FSHR: variants seen among roughly 807,000 people sequenced by gnomAD.
The protein encoded by FSHR is follicle stimulating hormone receptor, also known as follicle-stimulating hormone receptor.
A neutral mutation model predicts 52.1 loss-of-function variants in FSHR; 46 were observed. The ratio of observed to expected loss-of-function variants is 0.88; its 90% CI spans 0.70 to 1.13. The LOEUF (loss-of-function observed/expected upper bound fraction) is 1.13, where lower values mean the gene tolerates loss of function less well. Ranked by LOEUF, FSHR falls within the 50% of genes most tolerant of loss-of-function variation. The pLI is 0.00. For synonymous variants in FSHR, 399 were observed against 309.6 expected, an observed-to-expected ratio of 1.29 and a Z score of -3.03; for missense variants, 964 against 834.6, an observed-to-expected ratio of 1.16 and a Z score of -1.91.
chr2:48,972,369 T>C (rs771658275), intron 8 of FSHR, among the ~76,000 whole-genome samples: 42 of 152,230 alleles, frequency 2.8e-4, no homozygotes, highest in Non-Finnish European at 6.0e-4. Flanking sequence ...CTCCCTATTA[T>C]GATTCTTCAG....
intron 2 of FSHR, among the ~76,000 whole-genome samples, chr2:49,040,750 T>A (rs1208546936): frequency 6.6e-6 from 1 of 152,108 alleles, no homozygotes; most frequent in East Asian, 1.9e-4. Flanking sequence ...AAACAAAGTT[T>A]AATGATTGGA....
intron 1 of FSHR, among the ~76,000 whole-genome samples, chr2:49,097,247 AT>A (rs1043624835): frequency 2.0e-5 from 3 of 151,134 alleles, no homozygotes; most frequent in Non-Finnish European, 2.9e-5. Flanking sequence ...ATTTCTTTGA[AT>A]TTTTTTTCAT....
At chr2:48,986,016 T>C (rs1399924657) in intron 6 of FSHR, among the ~76,000 whole-genome samples, 2 of 152,176 alleles carry the variant, frequency 1.3e-5, no homozygotes, top group Non-Finnish European at 2.9e-5. Flanking sequence ...CCCGGCCGCA[T>C]GTACACGTTT....
At chr2:48,998,130 T>G (rs1049772870) in intron 4 of FSHR, among the ~76,000 whole-genome samples, 2 of 151,414 alleles carry the variant, frequency 1.3e-5, no homozygotes, top group Admixed American at 1.3e-4. Context: ...GACTTATACA[T>G]TTTTTTTTCA....
chr2:49,007,999 T>A (rs138474854), intron 4 of FSHR, among the ~76,000 whole-genome samples: 1 of 152,008 alleles, frequency 6.6e-6, no homozygotes, highest in Non-Finnish European at 1.5e-5. Context: ...ACATTTGTTT[T>A]GAATTTTCTT....
In FSHR at chr2:48,963,386, A is replaced by C; in HGVS notation, c.1435T>G (p.Cys479Gly). The C allele has an allele frequency of 6.2e-7, 1 of 1,614,072 alleles. No homozygotes were observed. Among genetic ancestry groups the C allele is most frequent in the Non-Finnish European group, 8.5e-7 (1 of 1,179,990 alleles). Residue 479 changes from cysteine (C) to glycine (G), a missense_variant, in exon 10 of 10, where the codon TGC becomes GGC. Coordinates refer to ENST00000406846, the MANE Select transcript of FSHR (RefSeq NM_000145.4). The stretch of plus-strand genomic sequence containing the variant: ...GCAGCATGGCGGAGCTGCACCTTGC[A>C]GTCCAGCTGCATGGCATGCGTGATG... Reference protein sequence around the residue: ...HTITHAMQLDCKVQLRHAASV... With the variant: ...HTITHAMQLDGKVQLRHAASV...
At chr2:48,992,329 G>A (rs1402471729) in intron 4 of FSHR, among the ~76,000 whole-genome samples, 1 of 152,100 alleles carries the variant, frequency 6.6e-6, no homozygotes, top group Non-Finnish European at 1.5e-5. Context: ...TCCCTTTGTA[G>A]TTCATCTCTT....
At chr2:49,103,619 C>T (rs974894) in intron 1 of FSHR, among the ~76,000 whole-genome samples, 79,264 of 151,826 alleles carry the variant, frequency 0.52, 21,179 homozygotes, top group East Asian at 0.76. Context: ...CTGCCTCTAA[C>T]GGCTGGCTCA....
intron 1 of FSHR, among the ~76,000 whole-genome samples, chr2:49,131,296 A>C (rs540258153): frequency 6.6e-6 from 1 of 152,206 alleles, no homozygotes; most frequent in Non-Finnish European, 1.5e-5. Context: ...ATTTATATCT[A>C]ATTGGAGCCT....
chr2:49,035,389 A>C (rs1668239318), intron 2 of FSHR, among the ~76,000 whole-genome samples: 1 of 152,206 alleles, frequency 6.6e-6, no homozygotes, highest in Non-Finnish European at 1.5e-5. Flanking sequence ...GGTATGTATT[A>C]ACATCATGCC....
intron 1 of FSHR, among the ~76,000 whole-genome samples, chr2:49,153,517 G>A (rs1312861530): frequency 6.6e-6 from 1 of 152,110 alleles, no homozygotes; most frequent in Non-Finnish European, 1.5e-5. Flanking sequence ...CGAGAGTTTG[G>A]AAAATCCTCT....
rs757838634 is a variant in FSHR, at chr2:48,988,957, A to AT, written c.524+19dup. 148 of 1,602,014 alleles carry AT rather than the reference A, an allele frequency of 9.2e-5. No individual in the cohort carries two copies. The highest frequency in any genetic ancestry group is 8.5e-4 in the South Asian group (77 of 90,810). On this transcript the variant is annotated intron_variant, in intron 6 of 9. Coordinates refer to ENST00000406846, the MANE Select transcript of FSHR (RefSeq NM_000145.4). ...GAAAAATCAAATGTTACTCTGTTGG[A>AT]TTTTTTCCCCCTTACTTACAGAATC...
At chr2:49,090,685 G>A (rs1409578398) in intron 1 of FSHR, among the ~76,000 whole-genome samples, 1 of 152,180 alleles carries the variant, frequency 6.6e-6, no homozygotes, top group East Asian at 1.9e-4. Flanking sequence ...ATAAAAAGTT[G>A]CTAAGTTGTT....
chr2:49,089,093 C>CTAATATAATATAATATAATA (rs141082451), intron 1 of FSHR, among the ~76,000 whole-genome samples: 3,363 of 150,080 alleles, frequency 0.022, 50 homozygotes, highest in Non-Finnish European at 0.025. Flanking sequence ...AAATTCACTT[C>CTAATATAATATAATATAATA]TAATATAATA....
intron 1 of FSHR, among the ~76,000 whole-genome samples, chr2:49,098,504 G>A (rs935369359): frequency 6.6e-6 from 1 of 151,844 alleles, no homozygotes; most frequent in Non-Finnish European, 1.5e-5. Context: ...GACATTTAAA[G>A]TTAAGGGAAC....
intron 1 of FSHR, among the ~76,000 whole-genome samples, chr2:49,092,291 T>C (rs1399419697): frequency 6.6e-6 from 1 of 152,226 alleles, no homozygotes; most frequent in Non-Finnish European, 1.5e-5. Context: ...GTGGTTTTTC[T>C]ATGTAGACAA....
chr2:49,011,392 G>A (rs1667266689), intron 4 of FSHR, among the ~76,000 whole-genome samples: 1 of 152,154 alleles, frequency 6.6e-6, no homozygotes, highest in East Asian at 1.9e-4. Context: ...TGGTCTGAGA[G>A]ATAGTTTGTT....
intron 5 of FSHR, among the ~76,000 whole-genome samples, chr2:48,989,292 T>TTTTTTTC (rs1675661176): frequency 1.1e-5 from 1 of 93,616 alleles, no homozygotes; most frequent in African/African-American, 3.1e-5. Context: ...TTTTTTTTTT[T>TTTTTTTC]TTTTTTAAGA....
chr2:49,095,250 G>T (rs1670779763), intron 1 of FSHR, among the ~76,000 whole-genome samples: 1 of 152,150 alleles, frequency 6.6e-6, no homozygotes, highest in South Asian at 2.1e-4. Context: ...ACAGTAATAA[G>T]ATGTGGTAGC....
Sources: allele counts gnomAD v4.1 joint callset (sites outside exome capture counted in the v4.1 genomes callset), GRCh38; gene constraint gnomAD v4.1.1; transcripts MANE v1.5; gene names NCBI Gene and HGNC (gene_info 2026-07-23, HGNC 2026-07-21).